Variants in TMPRSS9 observed in about 807,000 individuals in gnomAD.
The protein encoded by TMPRSS9 is transmembrane protease serine 9.
Under a neutral mutation model 111.4 loss-of-function variants are expected in TMPRSS9, and 113 were observed. That is an observed-to-expected ratio of 1.01 (90% CI 0.87 to 1.19). The LOEUF (loss-of-function observed/expected upper bound fraction) is 1.19. Ranked by LOEUF, TMPRSS9 falls within the 50% of genes most tolerant of loss-of-function variation. TMPRSS9 has a pLI of 0.00. For synonymous variants in TMPRSS9, 805 were observed against 659.1 expected, an observed-to-expected ratio of 1.22 and a Z score of -3.39; for missense variants, 1,803 against 1,513.1, an observed-to-expected ratio of 1.19 and a Z score of -3.18.
At chr19:2,396,756 A>C in intron 2 of TMPRSS9, 90 bp downstream of exon 3, 1 of 1,482,498 alleles carries the variant, frequency 6.7e-7, no homozygotes, top group Non-Finnish European at 9.0e-7. Flanking sequence ...GGAGGGAGGC[A>C]GGCCACAGGC....
At chr19:2,379,203 T>TTTG (rs869106618) in intron 1 of TMPRSS9, among the ~76,000 whole-genome samples, 2 of 145,032 alleles carry the variant, frequency 1.4e-5, no homozygotes, top group Admixed American at 1.4e-4. Flanking sequence ...TTTTTTTTTT[T>TTTG]GAGACAGAGT....
At chr19:2,408,725 C>T (rs1366617416) in intron 8 of TMPRSS9, 95 bp downstream of exon 9, 3 of 1,494,776 alleles carry the variant, frequency 2.0e-6, no homozygotes, top group Non-Finnish European at 2.7e-6. Context: ...GCCTGTCATC[C>T]CAGCACTTTG....
intron 2 of TMPRSS9, 77 bp downstream of exon 3, chr19:2,396,743 G>A: frequency 1.3e-6 from 2 of 1,512,988 alleles, no homozygotes; most frequent in Non-Finnish European, 1.8e-6. Context: ...TGCTTTCCGT[G>A]TGGGAGGGAG....
chr19:2,381,166 A>G (rs1970382180), intron 1 of TMPRSS9, among the ~76,000 whole-genome samples: 1 of 152,014 alleles, frequency 6.6e-6, no homozygotes, highest in African/African-American at 2.4e-5. Flanking sequence ...GGCCTGGCCC[A>G]TCGTAAAGGT....
intron 1 of TMPRSS9, among the ~76,000 whole-genome samples, chr19:2,382,601 C>G (rs200378386): frequency 1.9e-5 from 2 of 104,496 alleles, no homozygotes; most frequent in Admixed American, 1.1e-4. Flanking sequence ...TGCACACACA[C>G]ACAGACACAT....
Position 2,414,043 on chromosome 19 carries a change from A to T in TMPRSS9, c.1573+25A>T, listed in dbSNP as rs138306013. ...GGTATTTTCGGGGCAGAAAGGTAGA[A>T]GATGATGTACGTGCCTATCTTGATT... On this transcript the variant is annotated intron_variant, in intron 10 of 17. Transcript: ENST00000648592. 1.7e-4 allele frequency: 261 copies of T among 1,523,762 alleles called. 3 individuals are homozygous for T. The highest frequency in any genetic ancestry group is 1.6e-3 in the East Asian group (65 of 41,586). The allele number at this position is 1,523,762 out of a possible 1,614,324, so 94.4% of individuals were successfully genotyped here. A position where few individuals can be genotyped will look rare whatever the true frequency, so the allele number is the denominator to read the frequency against.
At chr19:2,373,127 C>A (rs1330773555) in intron 1 of TMPRSS9, among the ~76,000 whole-genome samples, 1 of 151,884 alleles carries the variant, frequency 6.6e-6, no homozygotes, top group African/African-American at 2.4e-5. Context: ...GCCACTGCGC[C>A]CAGCCAGAAA....
chr19:2,399,689 G>GTTGTC (rs766749907), intron 4 of TMPRSS9, among the ~76,000 whole-genome samples: 9 of 152,122 alleles, frequency 5.9e-5, no homozygotes, highest in South Asian at 2.1e-4. Flanking sequence ...GTTGTGTTGT[G>GTTGTC]TTGTCTTGTC....
chr19:2,388,258 A>G (rs1174453152), upstream of TMPRSS9, among the ~76,000 whole-genome samples: 1 of 151,940 alleles, frequency 6.6e-6, no homozygotes, highest in African/African-American at 2.4e-5. Context: ...GCATAGTGGC[A>G]CACACGTGGC....
chr19:2,418,289 T>TCCCTTTCCCTCCCTCCCTCCCTCCCTC, intron 13 of TMPRSS9, 151 bp downstream of exon 14: 1 of 695,094 alleles, frequency 1.4e-6, no homozygotes, highest in Non-Finnish European at 2.1e-6. Flanking sequence ...TTTCCTTTCC[T>TCCCTTTCCCTCCCTCCCTCCCTCCCTC]CCTTTCCTTC....
chr19:2,390,532 C>CGGTG (rs1178047489), intron 1 of TMPRSS9, among the ~76,000 whole-genome samples: 1 of 149,594 alleles, frequency 6.7e-6, no homozygotes, highest in Non-Finnish European at 1.5e-5. Flanking sequence ...CATGAGCCAC[C>CGGTG]GCGCCCGGCC....
At chr19:2,396,733 TG>T in intron 2 of TMPRSS9, 67 bp downstream of exon 3, 16 of 1,530,580 alleles carry the variant, frequency 1.0e-5, no homozygotes, top group Non-Finnish European at 1.3e-5. Flanking sequence ...GACCTGGAGG[TG>T]CTTTCCGTGT....
rs1024163239 is a variant in TMPRSS9, at chr19:2,382,841, G to C, written c.-25-6920G>C. On this transcript the variant is annotated intron_variant, in intron 1 of 17. Coordinates refer to the TMPRSS9 transcript ENST00000649857. ...CACACACAGATTGAGATTTATTTTA[G>C]GGATTTGGCTCATACCATTGAGGGG... Among the ~76,000 whole-genome samples the C allele has an allele frequency of 3.9e-5, 6 of 152,116 alleles. 1 individual carries two copies. Among genetic ancestry groups the C allele is most frequent in the Middle Eastern group, 6.3e-3 (2 of 316 alleles).
At chr19:2,389,134 C>T (rs1306050139), upstream of TMPRSS9, among the ~76,000 whole-genome samples, 9 of 148,498 alleles carry the variant, frequency 6.1e-5, no homozygotes, top group East Asian at 4.0e-4. Context: ...AGTGCAGTGG[C>T]GTGATCTCAG....
chr19:2,391,934 G>GT (rs1188415478), intron 1 of TMPRSS9, among the ~76,000 whole-genome samples: 1 of 151,868 alleles, frequency 6.6e-6, no homozygotes, highest in Non-Finnish European at 1.5e-5. Flanking sequence ...TAGAGATAGG[G>GT]TTTTGCCATA....
intron 1 of TMPRSS9, among the ~76,000 whole-genome samples, chr19:2,374,697 T>C (rs1970317362): frequency 6.6e-6 from 1 of 151,866 alleles, no homozygotes. Context: ...TTGGAAGAGG[T>C]TCTTGGAGGA....
intron 1 of TMPRSS9, among the ~76,000 whole-genome samples, chr19:2,381,495 G>A (rs568765470): frequency 2.6e-5 from 4 of 151,998 alleles, no homozygotes; most frequent in Admixed American, 6.6e-5. Context: ...TCTCTGGCTC[G>A]TCTGAAGGCA....
chr19:2,389,128 C>T (rs1461504118), upstream of TMPRSS9, among the ~76,000 whole-genome samples: 3 of 149,660 alleles, frequency 2.0e-5, no homozygotes, highest in Non-Finnish European at 4.4e-5. Flanking sequence ...GGCTGGAGTG[C>T]AGTGGCGTGA....
chr19:2,396,285 G>C (rs1970704663), intron 1 of TMPRSS9: 1 of 429,792 alleles, frequency 2.3e-6, no homozygotes, highest in Non-Finnish European at 4.2e-6. Context: ...CATCCACCTT[G>C]TGCTGTACCT....
Sources: allele counts gnomAD v4.1 joint callset (sites outside exome capture counted in the v4.1 genomes callset), GRCh38; gene constraint gnomAD v4.1.1; transcripts MANE v1.5; gene names NCBI Gene and HGNC (gene_info 2026-07-23, HGNC 2026-07-21).